The following RAI14 variants were observed in gnomAD, a reference collection of about 807,000 sequenced individuals.
The protein encoded by RAI14 is retinoic acid induced 14.
RAI14 carries 45 observed loss-of-function variants against 115.4 expected under a neutral mutation model. The ratio of observed to expected loss-of-function variants is 0.39; its 90% CI spans 0.31 to 0.50. The LOEUF is 0.50. RAI14 is among the 20% of genes least tolerant of loss of function. The probability of loss-of-function intolerance (pLI) is 0.85; values close to 1 mark genes in which losing one functional copy is unlikely to be tolerated. For synonymous variants in RAI14, 371 were observed against 415.4 expected (o/e 0.89, Z 1.30); for missense variants, 939 against 1,131.2 (o/e 0.83, Z 2.44).
chr5:34,668,078 G>A (rs565710551), intron 1 of RAI14, among the ~76,000 whole-genome samples: 3 of 152,188 alleles, frequency 2.0e-5, no homozygotes, highest in South Asian at 2.1e-4. Flanking sequence ...ATGGACAACC[G>A]GCTGCATTTT....
chr5:34,826,483 A>G lies in RAI14; in HGVS notation c.2799+4A>G. 1 of 1,612,152 alleles carries G rather than the reference A, an allele frequency of 6.2e-7. No individual in the cohort carries two copies. Among genetic ancestry groups the G allele is most frequent in the Non-Finnish European group, 8.5e-7 (1 of 1,178,922 alleles). Reference sequence around the variant, plus strand: ...ACAGCTCCAGAACCAGCTGGCGGTGAGTGGGCTTGTTTCTGCTGCCTGGTT... The same window carrying G: ...ACAGCTCCAGAACCAGCTGGCGGTGGGTGGGCTTGTTTCTGCTGCCTGGTT... On this transcript the variant is annotated splice_donor_region_variant and intron_variant, in intron 16 of 17. Coordinates refer to ENST00000265109, the MANE Select transcript of RAI14 (RefSeq NM_015577.3).
intron 2 of RAI14, among the ~76,000 whole-genome samples, chr5:34,750,954 G>A (rs112713209): frequency 0.14 from 19,751 of 146,040 alleles, 1,350 homozygotes; most frequent in South Asian, 0.19. Context: ...CCAGGTTCAA[G>A]TGATTCTCCT....
At chr5:34,774,579 GA>G (rs1750604831) in intron 3 of RAI14, among the ~76,000 whole-genome samples, 2 of 152,010 alleles carry the variant, frequency 1.3e-5, no homozygotes, top group South Asian at 4.2e-4. Context: ...TCTCTACAAT[GA>G]AAACTATAAA....
At chr5:34,788,636 C>T (rs1405589934) in intron 3 of RAI14, among the ~76,000 whole-genome samples, 1 of 152,142 alleles carries the variant, frequency 6.6e-6, no homozygotes, top group Non-Finnish European at 1.5e-5. Context: ...TGATACCATA[C>T]TTGAGTTAAT....
chr5:34,683,472 A>G (rs1478976837), intron 1 of RAI14, among the ~76,000 whole-genome samples: 1 of 152,074 alleles, frequency 6.6e-6, no homozygotes, highest in Non-Finnish European at 1.5e-5. Flanking sequence ...ATACACAGAA[A>G]AACTAACACA....
At chr5:34,697,358 C>T (rs992981152) in intron 2 of RAI14, among the ~76,000 whole-genome samples, 6 of 151,624 alleles carry the variant, frequency 4.0e-5, no homozygotes, top group Non-Finnish European at 8.8e-5. Flanking sequence ...ATTGCTTGAA[C>T]CCGGGAGGCA....
chr5:34,781,143 G>A (rs1433912653), intron 3 of RAI14, among the ~76,000 whole-genome samples: 1 of 146,926 alleles, frequency 6.8e-6, no homozygotes, highest in Non-Finnish European at 1.5e-5. Flanking sequence ...AGCACCGCAT[G>A]TTCTCACTTA....
At chr5:34,810,187 C>T (rs900781768) in intron 7 of RAI14, among the ~76,000 whole-genome samples, 1 of 152,048 alleles carries the variant, frequency 6.6e-6, no homozygotes, top group African/African-American at 2.4e-5. Context: ...TTCCCTTTGC[C>T]TATTGAATGC....
chr5:34,830,732 T>G lies in RAI14; in HGVS notation c.2910T>G (p.Leu970=), dbSNP rs1289891097. 1 of 1,614,188 alleles carries G rather than the reference T, an allele frequency of 6.2e-7. No homozygotes were observed. The highest frequency in any genetic ancestry group is 2.2e-5 in the East Asian group (1 of 44,888). Residue 970 remains leucine (L), a synonymous_variant, in exon 18 of 18, where the codon CTT becomes CTG. Transcript: ENST00000265109. Reference sequence around the variant, plus strand: ...TCCAGAAAGTACTGAAGCAAATCCTTACCATGTGTAAAAACCAGTCTCAAA... The same window carrying G: ...TCCAGAAAGTACTGAAGCAAATCCTGACCATGTGTAAAAACCAGTCTCAAA... ...EDVQKVLKQI[L]TMCKNQSQKK is the part of the protein sequence containing the mutation.
intron 2 of RAI14, chr5:34,687,587 C>T: frequency 6.7e-7 from 1 of 1,501,360 alleles, no homozygotes. Flanking sequence ...AGGGGTTGTA[C>T]ACGATAATAT....
At position 34,757,500 on chromosome 5, in the gene RAI14, A is replaced by G. The variant is rs903464000; in HGVS notation, c.69A>G (p.Leu23=). Residue 23 remains leucine, a synonymous_variant, in exon 3 of 18, where the codon CTA becomes CTG. Coordinates refer to ENST00000265109, the MANE Select transcript of RAI14 (RefSeq NM_015577.3). ...AGTGGAACAAGAATGATGACCGGCT[A>G]CTGCAGGCCGTGGAGAATGGAGATG... The part of the protein sequence containing the change: ...TNEWNKNDDR[L]LQAVENGDAE... The G allele has an allele frequency of 6.2e-7, 1 of 1,613,914 alleles. No homozygotes were observed. Among genetic ancestry groups the G allele is most frequent in the East Asian group, 2.2e-5 (1 of 44,878 alleles).
At chr5:34,780,633 C>G (rs1456299150) in intron 3 of RAI14, among the ~76,000 whole-genome samples, 1 of 152,220 alleles carries the variant, frequency 6.6e-6, no homozygotes, top group Non-Finnish European at 1.5e-5. Context: ...TGCTCATCAT[C>G]ACTGGCCATC....
intron 2 of RAI14, among the ~76,000 whole-genome samples, chr5:34,695,819 T>C (rs945398704): frequency 2.0e-5 from 3 of 151,302 alleles, no homozygotes; most frequent in African/African-American, 7.3e-5. Flanking sequence ...TTTTTTTTTT[T>C]TTCTGTGACA....
chr5:34,662,772 AC>A (rs1742798443), intron 1 of RAI14, among the ~76,000 whole-genome samples: 1 of 113,198 alleles, frequency 8.8e-6, no homozygotes, highest in Admixed American at 1.3e-4. Context: ...TCTGTTGCCC[AC>A]GCGGGAGTGC....
intron 17 of RAI14, among the ~76,000 whole-genome samples, chr5:34,830,241 C>T (rs1047136140): frequency 2.0e-5 from 3 of 152,150 alleles, no homozygotes; most frequent in African/African-American, 7.2e-5. Context: ...GCTTCGGCCT[C>T]CCAAAGTGCT....
chr5:34,704,334 G>A (rs1475200472), intron 2 of RAI14, among the ~76,000 whole-genome samples: 3 of 152,084 alleles, frequency 2.0e-5, no homozygotes, highest in South Asian at 2.1e-4. Flanking sequence ...ACTTCCGTCC[G>A]GGTACTTTGT....
intron 2 of RAI14, among the ~76,000 whole-genome samples, chr5:34,717,859 A>G (rs1490319663): frequency 1.4e-5 from 2 of 146,134 alleles, no homozygotes; most frequent in South Asian, 2.1e-4. Context: ...CAGGGAGGGC[A>G]GTGAACTTGC....
At chr5:34,658,586 A>G (rs564600994) in intron 1 of RAI14, among the ~76,000 whole-genome samples, 1 of 151,986 alleles carries the variant, frequency 6.6e-6, no homozygotes, top group East Asian at 1.9e-4. Flanking sequence ...AGGTCAGGAG[A>G]TCGAGACCAT....
In RAI14 at chr5:34,807,824, G is replaced by C. The variant is rs374626365; in HGVS notation, c.346G>C (p.Asp116His). Residue 116 changes from aspartate (D) to histidine (H), a missense_variant, in exon 6 of 18, where the codon GAC (aspartate) becomes CAC (histidine). Asp to His is a moderately conservative substitution (Grantham distance 81). Coordinates refer to ENST00000265109, the MANE Select transcript of RAI14 (RefSeq NM_015577.3). ...GTCTAAATGCCCAGCCGAAAGTGTC[G>C]ACAGCTCTGGGAAAACAGCTTTACA... ...LQSKCPAESV[D>H]SSGKTALHYA... The C allele has an allele frequency of 1.2e-6, 2 of 1,610,970 alleles. No individual in the cohort carries two copies. Among genetic ancestry groups the C allele is most frequent in the Non-Finnish European group, 8.5e-7 (1 of 1,177,160 alleles).
Sources: gnomAD v4.1 joint callset for allele counts (sites outside exome capture counted in the v4.1 genomes callset) on GRCh38, gnomAD v4.1.1 for gene constraint, MANE v1.5 for transcripts, NCBI Gene and HGNC (gene_info 2026-07-23, HGNC 2026-07-21) for gene names.